The following EFR3A variants were observed in gnomAD, a reference collection of about 807,000 sequenced individuals.
The protein encoded by EFR3A is EFR3 homolog A, also known as protein EFR3 homolog A.
In EFR3A, 76 loss-of-function variants were observed where a neutral mutation model predicts 104.4. The observed-to-expected ratio is 0.73, with a 90% confidence interval of 0.60 to 0.88. EFR3A has a LOEUF of 0.88. Among genes scored for constraint, EFR3A ranks in the 40% least tolerant of loss-of-function variants. The pLI is 0.00. For synonymous variants in EFR3A, 330 were observed against 330.0 expected, an observed-to-expected ratio of 1.00 and a Z score of 0.00; for missense variants, 985 against 1,012.5, an observed-to-expected ratio of 0.97 and a Z score of 0.37.
chr8:131,970,716 C>CTAT, intron 10 of EFR3A, 73 bp downstream of exon 10: 3 of 1,378,522 alleles, frequency 2.2e-6, no homozygotes, highest in Admixed American at 4.5e-5. Context: ...AGGTCCTGGA[C>CTAT]TATTATAGTA....
At chr8:131,966,350 A>G (rs1033042917) in intron 8 of EFR3A, among the ~76,000 whole-genome samples, 7 of 152,154 alleles carry the variant, frequency 4.6e-5, no homozygotes, top group Admixed American at 1.3e-4. Context: ...GTTTATGTAA[A>G]TAATACATAT....
At chr8:131,986,941 A>G (rs1051611120) in intron 17 of EFR3A, among the ~76,000 whole-genome samples, 3 of 152,170 alleles carry the variant, frequency 2.0e-5, no homozygotes, top group African/African-American at 7.2e-5. Context: ...GTTCAGTAAT[A>G]GGTAACAATA....
chr8:131,922,932 T>A (rs1410078097), intron 1 of EFR3A, among the ~76,000 whole-genome samples: 1 of 152,198 alleles, frequency 6.6e-6, no homozygotes, highest in Non-Finnish European at 1.5e-5. Context: ...GGAACTTTTT[T>A]GTAATTGGAA....
chr8:131,977,853 G>T (rs1820404166), intron 12 of EFR3A, among the ~76,000 whole-genome samples: 1 of 151,744 alleles, frequency 6.6e-6, no homozygotes, highest in South Asian at 2.1e-4. Flanking sequence ...TATATGTTTT[G>T]CACTTTTTCA....
At chr8:131,929,517 C>T (rs529143691) in intron 1 of EFR3A, among the ~76,000 whole-genome samples, 1 of 152,234 alleles carries the variant, frequency 6.6e-6, no homozygotes, top group South Asian at 2.1e-4. Flanking sequence ...ATCCCATTAG[C>T]TATTATCTCA....
At chr8:131,971,941 G>T (rs886703380) in intron 10 of EFR3A, among the ~76,000 whole-genome samples, 39 of 152,026 alleles carry the variant, frequency 2.6e-4, no homozygotes, top group African/African-American at 9.4e-4. Context: ...CAGACTTAAG[G>T]TTAGATCTAG....
At chr8:131,936,178 A>G (rs1817870476) in intron 1 of EFR3A, among the ~76,000 whole-genome samples, 1 of 152,146 alleles carries the variant, frequency 6.6e-6, no homozygotes, top group African/African-American at 2.4e-5. Context: ...AATTGGCATC[A>G]CTACTGTTTA....
chr8:131,983,053 TTAAA>T (rs1211017878), intron 14 of EFR3A, among the ~76,000 whole-genome samples: 2 of 152,122 alleles, frequency 1.3e-5, no homozygotes, highest in East Asian at 3.9e-4. Flanking sequence ...TCAGTGCATA[TTAAA>T]TAGAGAACAG....
chr8:132,002,935 T>A (rs1485331873), intron 21 of EFR3A, among the ~76,000 whole-genome samples: 3 of 152,190 alleles, frequency 2.0e-5, no homozygotes, highest in Non-Finnish European at 4.4e-5. Flanking sequence ...TAAGTATTAG[T>A]GATTGTTATT....
chr8:131,975,207 CAG>C (rs1311385106), intron 10 of EFR3A, among the ~76,000 whole-genome samples: 1 of 152,058 alleles, frequency 6.6e-6, no homozygotes, highest in East Asian at 1.9e-4. Context: ...AATTAATTCA[CAG>C]GGGTAAACTA....
At chr8:132,007,339 T>A (rs1292362236) in intron 22 of EFR3A, among the ~76,000 whole-genome samples, 2 of 151,870 alleles carry the variant, frequency 1.3e-5, no homozygotes, top group African/African-American at 4.8e-5. Flanking sequence ...CAAAATTCAG[T>A]TGTATATCTA....
At chr8:131,907,513 CGTT>C (rs1355876213) in intron 1 of EFR3A, among the ~76,000 whole-genome samples, 1 of 152,108 alleles carries the variant, frequency 6.6e-6, no homozygotes, top group East Asian at 1.9e-4. Flanking sequence ...TAGGTACTGA[CGTT>C]GAGGTCTAGG....
chr8:132,009,867 A>G (rs1020887800), intron 22 of EFR3A, among the ~76,000 whole-genome samples: 2 of 152,102 alleles, frequency 1.3e-5, no homozygotes, highest in Admixed American at 1.3e-4. Flanking sequence ...GCTTTTAAGC[A>G]TTTGGCAACA....
In EFR3A at chr8:131,973,299, G is replaced by A. The variant is rs914859438; in HGVS notation, c.1159+2656G>A. Among the ~76,000 whole-genome samples, 8 of 151,548 alleles carry A rather than the reference G, an allele frequency of 5.3e-5. No individual in the cohort carries two copies. The East Asian group carries it at 5.8e-4, about 11-fold the overall frequency. ...CTGTGGTGACTTTCACATTTATTTCGGTTATTTATAGATTTTTTGCGATAT... is the reference window on the plus strand; with the variant it reads ...CTGTGGTGACTTTCACATTTATTTCAGTTATTTATAGATTTTTTGCGATAT... On this transcript the variant is annotated intron_variant, in intron 10 of 22. Transcript: ENST00000254624.
intron 1 of EFR3A, among the ~76,000 whole-genome samples, chr8:131,913,132 G>GTTTTTTTTTTTT (rs5895116): frequency 7.6e-6 from 1 of 132,296 alleles, no homozygotes. Flanking sequence ...TTATTTTTCT[G>GTTTTTTTTTTTT]TTTTTTTTTT....
chr8:131,944,666 A>G, intron 2 of EFR3A, 79 bp from the exon 3 acceptor site: 1 of 1,376,822 alleles, frequency 7.3e-7, no homozygotes, highest in South Asian at 1.5e-5. Context: ...CAGAAAGGGA[A>G]ATTGTAAAGC....
chr8:131,984,891 G>T, intron 15 of EFR3A, 38 bp from the exon 16 acceptor site: 1 of 1,574,836 alleles, frequency 6.3e-7, no homozygotes, highest in Non-Finnish European at 8.7e-7. Flanking sequence ...TGAAGTATAA[G>T]AACTTGATCT....
chr8:131,914,860 C>T (rs1294708561), intron 1 of EFR3A, among the ~76,000 whole-genome samples: 1 of 152,138 alleles, frequency 6.6e-6, no homozygotes, highest in Non-Finnish European at 1.5e-5. Flanking sequence ...TTCTTGGCGT[C>T]CATGAGTTCT....
At position 132,007,663 on chromosome 8, in the gene EFR3A, G is replaced by A. The variant is rs201127768; in HGVS notation, c.2361-3127G>A. Among the ~76,000 whole-genome samples the A allele has an allele frequency of 1.1e-4, 16 of 151,908 alleles. No homozygotes were observed. In the East Asian group the frequency reaches 3.1e-3, roughly 29 times the overall value. ...ACAAAGGACCTGGAGTAGCTAAACA[G>A]TTTTGAAAAGGAAAAATAAAGTTGA... is the stretch of plus-strand genomic sequence containing the variant. On this transcript the variant is annotated intron_variant, in intron 22 of 22. Transcript: ENST00000254624.
Sources: gnomAD v4.1 joint callset for allele counts (sites outside exome capture counted in the v4.1 genomes callset) on GRCh38, gnomAD v4.1.1 for gene constraint, MANE v1.5 for transcripts, NCBI Gene and HGNC (gene_info 2026-07-23, HGNC 2026-07-21) for gene names.